HIPK2: variants seen among roughly 807,000 people sequenced by gnomAD.
The protein encoded by HIPK2 is homeodomain-interacting protein kinase 2.
HIPK2 carries 27 observed loss-of-function variants against 113.7 expected under a neutral mutation model. That is an observed-to-expected ratio of 0.24 (90% CI 0.17 to 0.33). The LOEUF (loss-of-function observed/expected upper bound fraction) is 0.33, where lower values mean the gene tolerates loss of function less well. Among genes scored for constraint, HIPK2 ranks in the 10% least tolerant of loss-of-function variants. HIPK2 has a pLI of 1.00. For missense variants in HIPK2, 1,257 were observed against 1,588.0 expected, an observed-to-expected ratio of 0.79 and a Z score of 3.54; for synonymous variants, 631 against 642.2, an observed-to-expected ratio of 0.98 and a Z score of 0.26.
chr7:139,706,714 C>T (rs1035012543), intron 2 of HIPK2, among the ~76,000 whole-genome samples: 4 of 152,238 alleles, frequency 2.6e-5, no homozygotes, highest in African/African-American at 7.2e-5. Flanking sequence ...CCCAACTCCT[C>T]GCAAACGTTT....
intron 2 of HIPK2, among the ~76,000 whole-genome samples, chr7:139,708,665 T>C (rs1794978605): frequency 6.6e-6 from 1 of 152,254 alleles, no homozygotes; most frequent in Non-Finnish European, 1.5e-5. Flanking sequence ...CTGGGCCCTC[T>C]GTCTCTGGGG....
intron 2 of HIPK2, among the ~76,000 whole-genome samples, chr7:139,697,685 T>C (rs1037504210): frequency 5.3e-5 from 8 of 152,144 alleles, no homozygotes; most frequent in African/African-American, 1.9e-4. Flanking sequence ...ATTAGTCTTT[T>C]TAAAGTGAAC....
intron 2 of HIPK2, among the ~76,000 whole-genome samples, chr7:139,693,556 A>G (rs1047273480): frequency 1.6e-4 from 24 of 152,072 alleles, no homozygotes; most frequent in Non-Finnish European, 3.2e-4. Flanking sequence ...CTCAGACTCA[A>G]TTTTCTCATC....
intron 1 of HIPK2, among the ~76,000 whole-genome samples, chr7:139,771,691 T>C (rs1796655318): frequency 6.6e-6 from 1 of 152,102 alleles, no homozygotes; most frequent in Admixed American, 6.5e-5. Context: ...GCGGTACTAA[T>C]GAGAACATTA....
chr7:139,661,438 C>T (rs914136799), intron 2 of HIPK2, among the ~76,000 whole-genome samples: 4 of 152,184 alleles, frequency 2.6e-5, no homozygotes, highest in Admixed American at 1.3e-4. Context: ...TTCAACATGG[C>T]AACCTTTTAC....
At chr7:139,697,612 AAATT>A (rs1794600799) in intron 2 of HIPK2, among the ~76,000 whole-genome samples, 2 of 152,172 alleles carry the variant, frequency 1.3e-5, no homozygotes, top group Non-Finnish European at 2.9e-5. Context: ...ATTAAACAGA[AAATT>A]AATTTTTTTC....
intron 1 of HIPK2, among the ~76,000 whole-genome samples, chr7:139,727,756 A>C (rs1795627534): frequency 6.6e-6 from 1 of 152,196 alleles, no homozygotes; most frequent in Admixed American, 6.5e-5. Flanking sequence ...TATCTACAGG[A>C]CATGGTGTCA....
intron 12 of HIPK2, among the ~76,000 whole-genome samples, chr7:139,593,371 T>C (rs1183809272): frequency 6.6e-6 from 1 of 152,226 alleles, no homozygotes; most frequent in East Asian, 1.9e-4. Flanking sequence ...CTCCTGTCTT[T>C]AGCTCAGTGT....
At chr7:139,701,541 A>G (rs1213739745) in intron 2 of HIPK2, among the ~76,000 whole-genome samples, 1 of 152,118 alleles carries the variant, frequency 6.6e-6, no homozygotes, top group Admixed American at 6.5e-5. Context: ...GGACGCTGAG[A>G]CCTACGTCTC....
intron 2 of HIPK2, among the ~76,000 whole-genome samples, chr7:139,705,580 T>C (rs1233661650): frequency 4.6e-5 from 7 of 152,132 alleles, no homozygotes; most frequent in African/African-American, 7.2e-5. Context: ...TGTTTCACCA[T>C]GTTAGCCAGG....
intron 1 of HIPK2, among the ~76,000 whole-genome samples, chr7:139,741,556 G>A (rs1796098925): frequency 6.6e-6 from 1 of 152,196 alleles, no homozygotes; most frequent in Non-Finnish European, 1.5e-5. Flanking sequence ...TGCAGAAGTG[G>A]CAGGCAGGTA....
rs999257324 is a variant in HIPK2 at position 139,714,185 on chromosome 7, G to A, written c.1103+1747C>T. Among the ~76,000 whole-genome samples the A allele has an allele frequency of 6.6e-6, 1 of 152,184 alleles. No individual in the cohort carries two copies. The highest frequency in any genetic ancestry group is 1.5e-5 in the Non-Finnish European group (1 of 68,034). On this transcript the variant is annotated intron_variant, in intron 2 of 14. Coordinates refer to ENST00000406875, the MANE Select transcript of HIPK2 (RefSeq NM_022740.5). This position sits in a 1 kb window ranked among gnomAD's most constrained non-coding sequence, Gnocchi z 4.2. ...ACCTTTCTGCGCATAGGAAATGAGCGGGAAAGGAATCCTCAGGGCAGGGCA... is the reference window on the plus strand; with the variant it reads ...ACCTTTCTGCGCATAGGAAATGAGCAGGAAAGGAATCCTCAGGGCAGGGCA...
chr7:139,763,003 A>G (rs1796493430), intron 1 of HIPK2, among the ~76,000 whole-genome samples: 1 of 152,234 alleles, frequency 6.6e-6, no homozygotes, highest in Non-Finnish European at 1.5e-5. Context: ...AGGTGTGACC[A>G]CAGAGTGAGC....
rs372117875 is a variant in HIPK2 at position 139,651,092 on chromosome 7, C to T, written c.1104-19367G>A. Among the ~76,000 whole-genome samples, 57 of 152,340 alleles carry T rather than the reference C, an allele frequency of 3.7e-4. 1 individual carries two copies. The South Asian group carries it at 0.012, about 32-fold the overall frequency. On this transcript the variant is annotated intron_variant, in intron 2 of 14. Transcript: ENST00000406875. ...AGAGGGGAGGGAGCACGCAGAGAAGCTCTGGATTTGTGTTTCCAACAAGCC... is the reference window on the plus strand; with the variant it reads ...AGAGGGGAGGGAGCACGCAGAGAAGTTCTGGATTTGTGTTTCCAACAAGCC...
At chr7:139,614,151 T>C in intron 8 of HIPK2, 135 bp downstream of exon 8, 2 of 816,972 alleles carry the variant, frequency 2.4e-6, no homozygotes. Context: ...AGTTCAGTGA[T>C]ACCAGCGCTC....
intron 2 of HIPK2, among the ~76,000 whole-genome samples, chr7:139,646,205 G>A (rs564694488): frequency 2.6e-5 from 4 of 152,258 alleles, no homozygotes; most frequent in South Asian, 2.1e-4. Context: ...GGAACAAACG[G>A]TTCCCTTAAG....
At position 139,680,550 on chromosome 7, in the gene HIPK2, T is replaced by C. The variant is rs544313678; in HGVS notation, c.1103+35382A>G. Among the ~76,000 whole-genome samples the C allele has an allele frequency of 6.6e-4, 101 of 152,348 alleles. 1 individual carries two copies. The South Asian group carries it at 7.5e-3, about 11-fold the overall frequency. On this transcript the variant is annotated intron_variant, in intron 2 of 14. Transcript: ENST00000406875. ...TCAAAACTACAGGGCTTGGCAGACA[T>C]GGGTACTGAATGTCCCCAGGAACAA... is the stretch of plus-strand genomic sequence containing the variant.
chr7:139,637,982 C>G (rs559341307), intron 2 of HIPK2, among the ~76,000 whole-genome samples: 1 of 152,190 alleles, frequency 6.6e-6, no homozygotes, highest in South Asian at 2.1e-4. Flanking sequence ...AGAATTACAG[C>G]AAAAATGACA....
chr7:139,758,619 A>T (rs1464725773), intron 1 of HIPK2, among the ~76,000 whole-genome samples: 1 of 152,176 alleles, frequency 6.6e-6, no homozygotes, highest in Admixed American at 6.5e-5. Flanking sequence ...GTGGCATCAG[A>T]TTCTCACAGA....
Sources: gnomAD v4.1 joint callset for allele counts (sites outside exome capture counted in the v4.1 genomes callset) on GRCh38, gnomAD v4.1.1 for gene constraint, Gnocchi (gnomAD v3.1) non-coding constraint, MANE v1.5 for transcripts, NCBI Gene and HGNC (gene_info 2026-07-23, HGNC 2026-07-21) for gene names.